VWDE: variants seen among roughly 807,000 people sequenced by gnomAD.
VWDE encodes von Willebrand factor D and EGF domain-containing protein.
A neutral mutation model predicts 178.4 loss-of-function variants in VWDE; 207 were observed. The observed-to-expected ratio is 1.16, with a 90% CI of 1.04 to 1.30. The LOEUF (loss-of-function observed/expected upper bound fraction) is 1.30, where lower values mean the gene tolerates loss of function less well. Among genes scored for constraint, VWDE ranks in the 50% most tolerant of loss-of-function variants. The pLI is 0.00. For synonymous variants in VWDE, 738 were observed against 651.4 expected (o/e 1.13, Z -2.02); for missense variants, 2,287 against 1,901.3 (o/e 1.20, Z -3.77).
Position 12,337,284 on chromosome 7 carries a change from C to G in VWDE, c.4367-12G>C. ...AGGGTGACAGAAAGCTAAAAGAACA[C>G]ATGGCAGCAATCTGTGAATATTACA... is the stretch of plus-strand genomic sequence containing the variant. On this transcript the variant is annotated splice_polypyrimidine_tract_variant and intron_variant, in intron 24 of 28. Coordinates refer to ENST00000275358, the MANE Select transcript of VWDE (RefSeq NM_001135924.3). The G allele has an allele frequency of 6.5e-7, 1 of 1,548,024 alleles. No homozygotes were observed. Among genetic ancestry groups the G allele is most frequent in the Non-Finnish European group, 8.7e-7 (1 of 1,143,556 alleles).
At chr7:12,339,583 A>T (rs1781217166) in intron 24 of VWDE, among the ~76,000 whole-genome samples, 1 of 152,174 alleles carries the variant, frequency 6.6e-6, no homozygotes, top group Admixed American at 6.5e-5. Flanking sequence ...CCAAAATAAA[A>T]GAAATAGAAT....
intron 13 of VWDE, among the ~76,000 whole-genome samples, chr7:12,362,220 T>TACAC (rs61071248): frequency 0.092 from 13,717 of 149,292 alleles, 805 homozygotes; most frequent in Non-Finnish European, 0.13. Flanking sequence ...GAGACAAACA[T>TACAC]ACACACACAC....
chr7:12,354,473 C>T (rs957598198), intron 18 of VWDE: 13 of 378,850 alleles, frequency 3.4e-5, no homozygotes, highest in African/African-American at 8.7e-5. Flanking sequence ...TCAACATCTT[C>T]CTGGCAATTT....
chr7:12,338,724 G>A (rs1401924838), intron 24 of VWDE, among the ~76,000 whole-genome samples: 1 of 152,012 alleles, frequency 6.6e-6, no homozygotes, highest in African/African-American at 2.4e-5. Flanking sequence ...TCCTGAAGTG[G>A]GCTAAGTAAT....
At chr7:12,390,038 G>A (rs1363273205) in intron 2 of VWDE, among the ~76,000 whole-genome samples, 2 of 151,836 alleles carry the variant, frequency 1.3e-5, no homozygotes, top group South Asian at 2.1e-4. Context: ...GGTGGCGTGC[G>A]CCTGTAATCC....
chr7:12,382,316 G>A (rs1783891949), intron 4 of VWDE, among the ~76,000 whole-genome samples: 1 of 151,672 alleles, frequency 6.6e-6, no homozygotes, highest in African/African-American at 2.4e-5. Flanking sequence ...ATTATGCAGA[G>A]TAGTCAAATA....
intron 12 of VWDE, among the ~76,000 whole-genome samples, chr7:12,369,248 G>C (rs532186692): frequency 6.6e-6 from 1 of 152,124 alleles, no homozygotes; most frequent in African/African-American, 2.4e-5. Context: ...TCAAAGGACA[G>C]CTCAGAGGAG....
chr7:12,401,857 A>T (rs1171349451), intron 1 of VWDE, among the ~76,000 whole-genome samples: 1 of 152,220 alleles, frequency 6.6e-6, no homozygotes, highest in Admixed American at 6.5e-5. Flanking sequence ...TTATAGCAAC[A>T]TTATTTATAA....
chr7:12,358,627 C>A (rs1193118834), intron 16 of VWDE, among the ~76,000 whole-genome samples: 3 of 152,246 alleles, frequency 2.0e-5, no homozygotes, highest in South Asian at 2.1e-4. Flanking sequence ...TATCCTTACA[C>A]AAGCAGCCTA....
intron 22 of VWDE, among the ~76,000 whole-genome samples, chr7:12,342,669 C>CTATTATTAT (rs201508499): frequency 3.9e-4 from 59 of 150,890 alleles, no homozygotes; most frequent in Middle Eastern, 3.4e-3. Context: ...TTTCCATTTT[C>CTATTATTAT]TATTATTATG....
intron 27 of VWDE, 123 bp from the exon 28 acceptor site, chr7:12,333,691 T>C: frequency 1.5e-6 from 1 of 655,880 alleles, no homozygotes; most frequent in South Asian, 1.9e-5. Context: ...AATCTATTAA[T>C]GAACCATCAA....
rs929350118 is a variant in VWDE at position 12,403,653 on chromosome 7, G to T, written c.58+6C>A. ...CGCCCACCCCCGCGCGCCCTACCTC[G>T]CTTACCTTCCCCCCAGGCCAGGAAC... On this transcript the variant is annotated splice_donor_region_variant and intron_variant, in intron 1 of 28. Coordinates refer to ENST00000275358, the MANE Select transcript of VWDE (RefSeq NM_001135924.3). 3 of 1,541,916 alleles carry T rather than the reference G, an allele frequency of 1.9e-6. No homozygotes were observed. Among genetic ancestry groups the T allele is most frequent in the Non-Finnish European group, 2.6e-6 (3 of 1,145,400 alleles).
intron 3 of VWDE, among the ~76,000 whole-genome samples, chr7:12,386,921 T>C (rs931901449): frequency 2.0e-5 from 3 of 152,230 alleles, no homozygotes; most frequent in African/African-American, 7.2e-5. Flanking sequence ...GCAGTACATA[T>C]GTGTGAAATG....
In VWDE at chr7:12,361,460, C is replaced by T; in HGVS notation, c.2960G>A (p.Ser987Asn). ...GGGCAGCTGACAATCAACAGCTCTG[C>T]TATTGTGGAAAACAGTCTGTGTATA... ...PIYTQTVFHN[S>N]RAVDCQLPTD... Residue 987 changes from serine to asparagine, a missense_variant, in exon 14 of 29, where the codon AGC (serine) becomes AAC (asparagine). Ser to Asn is a conservative substitution (Grantham distance 46). Transcript: ENST00000275358. 6.4e-7 allele frequency: 1 copy of T among 1,551,178 alleles called. No individual in the cohort carries two copies. The highest frequency in any genetic ancestry group is 1.2e-5 in the South Asian group (1 of 84,046).
chr7:12,336,234 T>G lies in VWDE; in HGVS notation c.4561A>C (p.Ile1521Leu). ...CCGTTTTTACATTTCTGCAAGCAGA[T>G]AGCTGCCAATCGAAATATAAACAAG... ...GWSGKRCNTP[I>L]CLQKCKNGGE... Residue 1521 changes from isoleucine (I) to leucine (L), a missense_variant and splice_region_variant, in exon 27 of 29, where the codon ATC (isoleucine) becomes CTC (leucine). Coordinates refer to ENST00000275358, the MANE Select transcript of VWDE (RefSeq NM_001135924.3). 1 of 1,550,832 alleles carries G rather than the reference T, an allele frequency of 6.4e-7. No homozygotes were observed. The highest frequency in any genetic ancestry group is 2.0e-5 in the Admixed American group (1 of 50,812).
At chr7:12,371,681 A>C (rs17275416) in intron 10 of VWDE, among the ~76,000 whole-genome samples, 37,416 of 152,014 alleles carry the variant, frequency 0.25, 4,798 homozygotes, top group African/African-American at 0.28. Flanking sequence ...AACTTAAGGT[A>C]GCTAATATTA....
rs1782311733 is a variant in VWDE at position 12,357,381 on chromosome 7, C to T, written c.3409G>A (p.Gly1137Arg). Residue 1137 changes from glycine (G) to arginine (R), a missense_variant, in exon 17 of 29, where the codon GGG (glycine) becomes AGG (arginine). Coordinates refer to ENST00000275358, the MANE Select transcript of VWDE (RefSeq NM_001135924.3). ...AGCCCTGCAGAGGAAACACTTGCCC[C>T]TTCAGGACCAGAGTCCAACGTAAAA... Reference protein sequence around the residue: ...IHFTLDSGPEGASVSSAGLFM... With the variant: ...IHFTLDSGPERASVSSAGLFM... 1 of 1,551,830 alleles carries T rather than the reference C, an allele frequency of 6.4e-7. No individual in the cohort carries two copies. The highest frequency in any genetic ancestry group is 8.7e-7 in the Non-Finnish European group (1 of 1,147,054).
chr7:12,361,363 T>C lies in VWDE; in HGVS notation c.3054+3A>G, dbSNP rs1251055842. 1.3e-6 allele frequency: 2 copies of C among 1,545,716 alleles called. No homozygotes were observed. The highest frequency in any genetic ancestry group is 4.9e-5 in the East Asian group (2 of 40,862). On this transcript the variant is annotated splice_donor_region_variant and intron_variant, in intron 14 of 28. Coordinates refer to ENST00000275358, the MANE Select transcript of VWDE (RefSeq NM_001135924.3). The stretch of plus-strand genomic sequence containing the variant: ...AATATGAAGATGTCTTTTTATTTTT[T>C]ACCTTCAACTGCCACTTCCCAGTTG...
At chr7:12,391,757 GC>G (rs1314469963) in intron 2 of VWDE, among the ~76,000 whole-genome samples, 1 of 152,130 alleles carries the variant, frequency 6.6e-6, no homozygotes, top group Non-Finnish European at 1.5e-5. Flanking sequence ...TTACATTAGT[GC>G]TTAAAAAGGA....
Sources: allele counts gnomAD v4.1 joint callset (sites outside exome capture counted in the v4.1 genomes callset), GRCh38; gene constraint gnomAD v4.1.1; transcripts MANE v1.5; gene names NCBI Gene and HGNC (gene_info 2026-07-23, HGNC 2026-07-21).